Variants in BTBD9 observed in about 807,000 individuals in gnomAD.
The protein encoded by BTBD9 is BTB/POZ domain-containing protein 9.
In BTBD9, 49 loss-of-function variants were observed where a neutral mutation model predicts 64.3. The observed-to-expected ratio is 0.76, with a 90% CI of 0.61 to 0.97. BTBD9 has a LOEUF of 0.97. Ranked by LOEUF, BTBD9 falls within the 50% of genes least tolerant of loss-of-function variation. The pLI is 0.00. For missense variants in BTBD9, 598 were observed against 762.1 expected, an observed-to-expected ratio of 0.78 and a Z score of 2.53; for synonymous variants, 260 against 274.7, an observed-to-expected ratio of 0.95 and a Z score of 0.53.
chr6:38,513,365 T>C lies in BTBD9; in HGVS notation c.1154+64235A>G, dbSNP rs567261929. Among the ~76,000 whole-genome samples, 3 of 152,124 alleles carry C rather than the reference T, an allele frequency of 2.0e-5. No individual in the cohort carries two copies. In the South Asian group the frequency reaches 6.2e-4, roughly 32 times the overall value. ...TGGGAGGCTGAAGCAGAAGAATTGCTTGAACCTGGGAGGCAGAGGTTTCAG... is the reference window on the plus strand; with the variant it reads ...TGGGAGGCTGAAGCAGAAGAATTGCCTGAACCTGGGAGGCAGAGGTTTCAG... On this transcript the variant is annotated intron_variant, in intron 6 of 10. Coordinates refer to ENST00000481247, the MANE Select transcript of BTBD9 (RefSeq NM_001099272.2).
At chr6:38,266,206 CTTT>C (rs1049991980) in intron 8 of BTBD9, among the ~76,000 whole-genome samples, 1 of 152,086 alleles carries the variant, frequency 6.6e-6, no homozygotes, top group Non-Finnish European at 1.5e-5. Context: ...TTGACAAACT[CTTT>C]TTTTTCTTTT....
intron 9 of BTBD9, among the ~76,000 whole-genome samples, chr6:38,230,034 T>A (rs1763542937): frequency 6.6e-6 from 1 of 152,210 alleles, no homozygotes; most frequent in South Asian, 2.1e-4. Context: ...CTACCAGCAA[T>A]ACATTTTCCA....
intron 6 of BTBD9, among the ~76,000 whole-genome samples, chr6:38,357,210 T>C (rs1353606280): frequency 6.6e-6 from 1 of 152,168 alleles, no homozygotes; most frequent in Non-Finnish European, 1.5e-5. Flanking sequence ...TTCCTCACAG[T>C]AGCCCTTCCC....
At chr6:38,338,503 C>T (rs796403612) in intron 7 of BTBD9, among the ~76,000 whole-genome samples, 1 of 152,066 alleles carries the variant, frequency 6.6e-6, no homozygotes, top group East Asian at 1.9e-4. Context: ...AACACTTTAA[C>T]GGCCTAAAGC....
chr6:38,351,979 A>G (rs1390502398), intron 6 of BTBD9, among the ~76,000 whole-genome samples: 1 of 152,252 alleles, frequency 6.6e-6, no homozygotes, highest in Non-Finnish European at 1.5e-5. Flanking sequence ...AAATGACATA[A>G]GATCTAAAAT....
chr6:38,435,729 C>T (rs1768701112), intron 6 of BTBD9, among the ~76,000 whole-genome samples: 2 of 150,108 alleles, frequency 1.3e-5, no homozygotes, highest in African/African-American at 2.5e-5. Context: ...AGTGCAGTGG[C>T]GTGATCTTGG....
chr6:38,589,308 A>G (rs1776689014), intron 4 of BTBD9, among the ~76,000 whole-genome samples: 1 of 152,206 alleles, frequency 6.6e-6, no homozygotes, highest in South Asian at 2.1e-4. Flanking sequence ...CCAAACTACC[A>G]GTAACCATGT....
At chr6:38,549,747 A>C (rs768634105) in intron 6 of BTBD9, among the ~76,000 whole-genome samples, 48 of 152,268 alleles carry the variant, frequency 3.2e-4, no homozygotes, top group Admixed American at 2.1e-3. Context: ...AGTTGTCTAT[A>C]CATGCTGTTC....
At chr6:38,443,886 G>T (rs924524351) in intron 6 of BTBD9, among the ~76,000 whole-genome samples, 1 of 152,158 alleles carries the variant, frequency 6.6e-6, no homozygotes, top group Admixed American at 6.5e-5. Context: ...CTGCCCAGGG[G>T]TATGATTCTT....
Position 38,638,139 on chromosome 6 carries a change from T to G in BTBD9, c.-28+1661A>C, listed in dbSNP as rs1406032842. On this transcript the variant is annotated intron_variant, in intron 1 of 10. Transcript: ENST00000481247. ...TTCTTTCAGAGACCAAGTCAAATCT[T>G]GCCTCTTTCAAAGAGTTCCCTAACT... 2.0e-5 allele frequency among the ~76,000 whole-genome samples: 3 copies of G among 152,248 alleles called. No homozygotes were observed. In the East Asian group the frequency reaches 5.8e-4, roughly 29 times the overall value.
intron 6 of BTBD9, among the ~76,000 whole-genome samples, chr6:38,404,706 G>A (rs191132895): frequency 1.3e-5 from 2 of 152,314 alleles, no homozygotes; most frequent in Non-Finnish European, 2.9e-5. Context: ...AGTTGTTACT[G>A]CAGATAAGGG....
intron 6 of BTBD9, among the ~76,000 whole-genome samples, chr6:38,514,201 C>A (rs1772908094): frequency 1.3e-5 from 2 of 152,158 alleles, no homozygotes; most frequent in Non-Finnish European, 2.9e-5. Flanking sequence ...GGGGTACAAC[C>A]AACACACTCC....
intron 1 of BTBD9, among the ~76,000 whole-genome samples, chr6:38,608,105 G>A (rs532357068): frequency 6.6e-6 from 1 of 152,182 alleles, no homozygotes; most frequent in East Asian, 1.9e-4. Flanking sequence ...ATTCCCCTCA[G>A]TCTCTTACTT....
At chr6:38,281,361 A>G (rs2127551227) in intron 8 of BTBD9, among the ~76,000 whole-genome samples, 1 of 152,334 alleles carries the variant, frequency 6.6e-6, no homozygotes, top group Non-Finnish European at 1.5e-5. Context: ...TGAACTCGGC[A>G]TGGGCTTGAC....
intron 6 of BTBD9, among the ~76,000 whole-genome samples, chr6:38,376,045 G>C (rs765305417): frequency 6.6e-6 from 1 of 152,142 alleles, no homozygotes; most frequent in Non-Finnish European, 1.5e-5. Context: ...TAACCAGAAA[G>C]CATACCCAAA....
At chr6:38,385,655 A>G (rs6902849) in intron 6 of BTBD9, among the ~76,000 whole-genome samples, 1,748 of 152,288 alleles carry the variant, frequency 0.011, 18 homozygotes, top group Non-Finnish European at 0.019. Context: ...AAATGGGGAG[A>G]CAGGTTAATA....
intron 6 of BTBD9, among the ~76,000 whole-genome samples, chr6:38,532,318 G>A (rs1440505207): frequency 6.6e-6 from 1 of 152,178 alleles, no homozygotes; most frequent in Non-Finnish European, 1.5e-5. Flanking sequence ...ACCAACGTGG[G>A]CTAAAGTTCT....
At chr6:38,387,025 T>G (rs1766203365) in intron 6 of BTBD9, among the ~76,000 whole-genome samples, 1 of 152,172 alleles carries the variant, frequency 6.6e-6, no homozygotes. Context: ...AAATGTTTAT[T>G]TGATGCATCT....
At chr6:38,581,330 T>G (rs1290021916) in intron 4 of BTBD9, among the ~76,000 whole-genome samples, 3 of 152,200 alleles carry the variant, frequency 2.0e-5, no homozygotes, top group Non-Finnish European at 2.9e-5. Flanking sequence ...GGTTCCAATA[T>G]AGCATAGCTG....
Sources: allele counts gnomAD v4.1 joint callset (sites outside exome capture counted in the v4.1 genomes callset), GRCh38; gene constraint gnomAD v4.1.1; transcripts MANE v1.5; gene names NCBI Gene and HGNC (gene_info 2026-07-23, HGNC 2026-07-21).